The following OPN1LW variants were observed in gnomAD, a reference collection of about 807,000 sequenced individuals.
OPN1LW encodes the protein opsin 1, long wave sensitive.
Under a neutral mutation model 18.1 loss-of-function variants are expected in OPN1LW, and 4 were observed. That is an observed-to-expected ratio of 0.22 (90% CI 0.11 to 0.51). OPN1LW has a LOEUF of 0.51. OPN1LW is among the 20% of genes least tolerant of loss of function. The pLI is 0.97. For missense variants in OPN1LW, 164 were observed against 234.9 expected (o/e 0.70, Z 1.97); for synonymous variants, 86 against 101.2 (o/e 0.85, Z 0.90).
chrX:154,154,588 G>A lies in OPN1LW; in HGVS notation c.593G>A (p.Gly198Asp), dbSNP rs781989418. 23 of 1,170,070 alleles carry A rather than the reference G, an allele frequency of 2.0e-5. No individual in the cohort carries two copies. Among genetic ancestry groups the A allele is most frequent in the Non-Finnish European group, 5.7e-6 (5 of 870,078 alleles). Residue 198 changes from glycine to aspartate, a missense_variant, in exon 4 of 6, where the codon GGC becomes GAC. Around this residue, in one of 3 missense-constraint regions of OPN1LW, gnomAD observed 106 missense variants for 167.7 expected, o/e 0.63. Coordinates refer to ENST00000369951, the MANE Select transcript of OPN1LW (RefSeq NM_020061.6). ...CTTCTCTCCAGGTACTGGCCCCACGGCCTGAAGACTTCATGCGGCCCAGAC... is the reference window on the plus strand; with the variant it reads ...CTTCTCTCCAGGTACTGGCCCCACGACCTGAAGACTTCATGCGGCCCAGAC... ...IFGWSRYWPHGLKTSCGPDVF... is the reference protein window; with the variant it reads ...IFGWSRYWPHDLKTSCGPDVF...
rs782188648 is a variant in OPN1LW at position 154,154,770 on chromosome X, C to T, written c.744+31C>T. 171 of 1,110,695 alleles carry T rather than the reference C, an allele frequency of 1.5e-4. 4 individuals carry two copies. Among genetic ancestry groups the T allele is most frequent in the Non-Finnish European group, 2.1e-4 (168 of 816,602 alleles). 91.5% of individuals were successfully genotyped at this position (1,110,695 alleles called of 1,213,427 possible). ...CCCCCCGATTCCTCCTGGCCTCACC[C>T]GCCTCCTGCCCCTAAGCTGCTCTGC... On this transcript the variant is annotated intron_variant, in intron 4 of 5. Transcript: ENST00000369951.
Sources: gnomAD v4.1 joint callset for allele counts on GRCh38, gnomAD v4.1.1 for gene constraint, gnomAD v4.1.1 regional missense constraint, MANE v1.5 for transcripts, NCBI Gene and HGNC (gene_info 2026-07-23, HGNC 2026-07-21) for gene names.